CHD1L: variants seen among roughly 807,000 people sequenced by gnomAD.
CHD1L encodes the protein chromodomain helicase DNA binding protein 1 like, also known as ATP-dependent chromatin remodeler CHD1L.
In CHD1L, 118 loss-of-function variants were observed where a neutral mutation model predicts 115.9. That is an observed-to-expected ratio of 1.02 (90% confidence interval 0.88 to 1.19). CHD1L has a LOEUF of 1.19. CHD1L is among the 50% of genes most tolerant of loss of function. The pLI is 0.00. For synonymous variants in CHD1L, 411 were observed against 387.1 expected (o/e 1.06, Z -0.72); for missense variants, 1,179 against 1,065.3 (o/e 1.11, Z -1.49).
chr1:147,178,305 T>C, the CHD1L span: 3 of 1,612,874 alleles, frequency 1.9e-6, no homozygotes, highest in Non-Finnish European at 2.5e-6. Context: ...AGAGACTTGC[T>C]CCTGAGTATG....
chr1:147,223,136 G>A, the CHD1L span, among the ~76,000 whole-genome samples: 1 of 152,194 alleles, frequency 6.6e-6, no homozygotes, highest in Non-Finnish European at 1.5e-5. Context: ...AAGTCACACT[G>A]CTAGTAGGTG....
the CHD1L span, chr1:147,225,056 T>G: frequency 1.2e-6 from 2 of 1,614,036 alleles, no homozygotes; most frequent in Admixed American, 3.3e-5. Context: ...CACCTGTTAG[T>G]GTCGCCTGTC....
chr1:147,186,836 C>A, the CHD1L span: 1 of 1,533,092 alleles, frequency 6.5e-7, no homozygotes. Flanking sequence ...TCAATCTCGT[C>A]AGATTCTGAA....
At position 147,273,770 on chromosome 1, in the gene CHD1L, C is replaced by T. The variant is rs1330934497; in HGVS notation, c.1270+1489C>T. Among the ~76,000 whole-genome samples, 3 of 152,168 alleles carry T rather than the reference C, an allele frequency of 2.0e-5. No individual in the cohort carries two copies. In the East Asian group the frequency reaches 5.8e-4, roughly 29 times the overall value. On this transcript the variant is annotated intron_variant, in intron 12 of 22. Transcript: ENST00000369258. ...CTCAGAGTAGATCTGGGAGCTGAAGCAGTCCTGGACATTAGTCTTCTCCAA... is the reference window on the plus strand; with the variant it reads ...CTCAGAGTAGATCTGGGAGCTGAAGTAGTCCTGGACATTAGTCTTCTCCAA...
At position 147,272,215 on chromosome 1, in the gene CHD1L, A is replaced by G; in HGVS notation, c.1204A>G (p.Arg402Gly). Residue 402 changes from arginine to glycine, a missense_variant, in exon 12 of 23, where the codon AGA (arginine) becomes GGA (glycine). Physicochemically the swap from Arg to Gly is moderately radical, Grantham distance 125 (BLOSUM62 -2). Coordinates refer to ENST00000369258, the MANE Select transcript of CHD1L (RefSeq NM_004284.6). Reference sequence around the variant, plus strand: ...GGATGGTTCTGTGAGAGGAGAAGAGAGACACTTGGCCATTAAGAACTTTGG... The same window carrying G: ...GGATGGTTCTGTGAGAGGAGAAGAGGGACACTTGGCCATTAAGAACTTTGG... ...RVDGSVRGEE[R>G]HLAIKNFGQQ... 1 of 1,614,138 alleles carries G rather than the reference A, an allele frequency of 6.2e-7. No homozygotes were observed. Among genetic ancestry groups the G allele is most frequent in the Non-Finnish European group, 8.5e-7 (1 of 1,179,996 alleles).
chr1:147,256,500 G>C, intron 4 of CHD1L, 31 bp from the exon 5 acceptor site: 2 of 1,602,500 alleles, frequency 1.2e-6, no homozygotes, highest in Non-Finnish European at 1.7e-6. Flanking sequence ...ATCAATGCCA[G>C]CCTTTATAAC....
chr1:147,173,781 A>AT, the CHD1L span, among the ~76,000 whole-genome samples: 5 of 152,366 alleles, frequency 3.3e-5, no homozygotes, highest in East Asian at 9.6e-4. Context: ...CTGAATCTGC[A>AT]TTTTAACAAG....
chr1:147,238,884 G>T (rs186778725), upstream of CHD1L, among the ~76,000 whole-genome samples: 1 of 152,036 alleles, frequency 6.6e-6, no homozygotes, highest in African/African-American at 2.4e-5. Context: ...TGAATTGACT[G>T]TCCCTTAGCT....
chr1:147,285,187 C>G (rs1196103486), intron 16 of CHD1L, 137 bp from the exon 17 acceptor site: 2 of 985,454 alleles, frequency 2.0e-6, no homozygotes, highest in East Asian at 2.5e-5. Context: ...CCTCCAGTTC[C>G]CACCATGCAG....
At chr1:147,187,846 T>C in the CHD1L span, among the ~76,000 whole-genome samples, 1 of 152,164 alleles carries the variant, frequency 6.6e-6, no homozygotes, top group Non-Finnish European at 1.5e-5. Context: ...GAAAATGTGG[T>C]TGATTAACAG....
At chr1:147,186,911 C>G in the CHD1L span, 35 of 1,612,790 alleles carry the variant, frequency 2.2e-5, no homozygotes, top group South Asian at 3.4e-4. Flanking sequence ...TAGAAGTAAG[C>G]TATAATTATA....
intron 2 of CHD1L, among the ~76,000 whole-genome samples, chr1:147,254,464 G>C (rs1229197979): frequency 6.6e-6 from 1 of 152,160 alleles, no homozygotes; most frequent in Admixed American, 6.5e-5. Flanking sequence ...AGGCAGCAGA[G>C]GGCCACCATG....
chr1:147,200,654 G>A, the CHD1L span, among the ~76,000 whole-genome samples: 6 of 151,756 alleles, frequency 4.0e-5, no homozygotes, highest in Non-Finnish European at 8.8e-5. Context: ...AGAAAAGTGA[G>A]AATTTGGGGG....
intron 8 of CHD1L, 25 bp downstream of exon 8, chr1:147,266,112 T>C (rs781879775): frequency 1.9e-6 from 3 of 1,590,048 alleles, no homozygotes; most frequent in South Asian, 2.3e-5. Flanking sequence ...CTTGTCCATT[T>C]AGAAACTAAA....
Position 147,285,415 on chromosome 1 carries a change from A to C in CHD1L, c.1946A>C (p.Glu649Ala), listed in dbSNP as rs13374920. 6,312 of 1,614,018 alleles carry C rather than the reference A, an allele frequency of 3.9e-3. 185 individuals carry two copies. In the African/African-American group the frequency reaches 0.07, roughly 18 times the overall value. The change falls in exon 17 of 23, where the codon GAA (glutamate) becomes GCA (alanine). Residue 649 changes from glutamate to alanine, a missense_variant. Physicochemically the swap from Glu to Ala is moderately radical, Grantham distance 107. Transcript: ENST00000369258. ...ELEDRQKKRQ[E>A]AAAKRRRLIE... is the part of the protein sequence containing the mutation. ...GAGGACAGACAGAAGAAAAGACAAG[A>C]AGCAGCTGCCAAGAGAAGGAGACTC...
chr1:147,232,261 A>T, the CHD1L span, among the ~76,000 whole-genome samples: 1 of 152,162 alleles, frequency 6.6e-6, no homozygotes, highest in Admixed American at 6.5e-5. Context: ...GTCAATCCTG[A>T]CTAGTCCAAG....
At position 147,276,204 on chromosome 1, in the gene CHD1L, G is replaced by T. The variant is rs1553957778; in HGVS notation, c.1486G>T (p.Gly496Ter). Residue 496 changes from glycine to a stop codon, truncating the protein, a stop_gained, in exon 14 of 23, where the codon GGA (glycine) becomes TGA (stop). Transcript: ENST00000369258. LOFTEE classifies it high-confidence loss of function. ...GCAGCTCACCAACATGATCATAGAA[G>T]GAGGCCATTTTACTCTGGGAGCCCA... ...KLQLTNMIIE[G>*]GHFTLGAQKP... The T allele has an allele frequency of 6.2e-7, 1 of 1,614,188 alleles. No individual in the cohort carries two copies.
At chr1:147,243,079 G>T in intron 1 of CHD1L, 1 of 341,360 alleles carries the variant, frequency 2.9e-6, no homozygotes, top group Non-Finnish European at 5.2e-6. Flanking sequence ...GCCAGGCCTG[G>T]CCCCTGGCCT....
At chr1:147,276,669 C>G (rs782204638) in intron 14 of CHD1L, among the ~76,000 whole-genome samples, 35 of 152,110 alleles carry the variant, frequency 2.3e-4, no homozygotes, top group Non-Finnish European at 4.7e-4. Flanking sequence ...CGAATGAGAT[C>G]AGGAATTCAT....
Sources: gnomAD v4.1 joint callset for allele counts (sites outside exome capture counted in the v4.1 genomes callset) on GRCh38, gnomAD v4.1.1 for gene constraint, MANE v1.5 for transcripts, NCBI Gene and HGNC (gene_info 2026-07-23, HGNC 2026-07-21) for gene names.